ALDH1A1: variants seen among roughly 807,000 people sequenced by gnomAD.
ALDH1A1 encodes aldehyde dehydrogenase 1 family member A1.
In ALDH1A1, 19 loss-of-function variants were observed where a neutral mutation model predicts 62.1. The observed-to-expected ratio is 0.31, with a 90% CI of 0.21 to 0.45. The LOEUF is 0.45. Among genes scored for constraint, ALDH1A1 ranks in the 20% least tolerant of loss-of-function variants. The probability of loss-of-function intolerance (pLI) is 1.00; values close to 1 mark genes in which losing one functional copy is unlikely to be tolerated. For synonymous variants in ALDH1A1, 231 were observed against 215.9 expected (o/e 1.07, Z -0.61); for missense variants, 521 against 607.1 (o/e 0.86, Z 1.49).
At chr9:72,910,335 A>C (rs1829967033) in intron 10 of ALDH1A1, among the ~76,000 whole-genome samples, 1 of 152,172 alleles carries the variant, frequency 6.6e-6, no homozygotes, top group African/African-American at 2.4e-5. Flanking sequence ...AAACATCACG[A>C]ACTTTTAGTC....
At chr9:72,906,096 C>A in intron 11 of ALDH1A1, 64 bp from the exon 12 acceptor site, 3 of 1,303,484 alleles carry the variant, frequency 2.3e-6, no homozygotes, top group East Asian at 2.5e-5. Flanking sequence ...TCCTTTTTGG[C>A]AGTTTTAGAA....
rs1200564361 is a variant in ALDH1A1 at position 72,945,730 on chromosome 9, G to A, written c.67-5478C>T. ...TTAAACATTTAAAAGAATCAAAGCTGGATCTCTGGCAACTGCTTTGCACCC... is the reference window on the plus strand; with the variant it reads ...TTAAACATTTAAAAGAATCAAAGCTAGATCTCTGGCAACTGCTTTGCACCC... On this transcript the variant is annotated intron_variant, in intron 1 of 12. Transcript: ENST00000297785. Among the ~76,000 whole-genome samples the A allele has an allele frequency of 2.6e-5, 4 of 151,796 alleles. No individual in the cohort carries two copies. In the South Asian group the frequency reaches 8.3e-4, roughly 31 times the overall value.
At chr9:72,909,780 A>G (rs1373345463) in intron 10 of ALDH1A1, 21 bp from the exon 11 acceptor site, 4 of 1,568,242 alleles carry the variant, frequency 2.6e-6, no homozygotes, top group African/African-American at 1.4e-5. Context: ...AGAAATAAAT[A>G]AGTAAAAATA....
At chr9:72,932,991 T>C (rs991949827) in intron 2 of ALDH1A1, among the ~76,000 whole-genome samples, 3 of 152,202 alleles carry the variant, frequency 2.0e-5, no homozygotes, top group Non-Finnish European at 2.9e-5. Context: ...AACTCTCCCA[T>C]ATGGAAAGCA....
chr9:72,927,516 C>A (rs551542085), intron 4 of ALDH1A1, among the ~76,000 whole-genome samples: 1 of 152,272 alleles, frequency 6.6e-6, no homozygotes, highest in Non-Finnish European at 1.5e-5. Flanking sequence ...TTCCACCTTT[C>A]ATCTTCTAGG....
chr9:72,940,730 A>G (rs1371394727), intron 1 of ALDH1A1, among the ~76,000 whole-genome samples: 1 of 152,214 alleles, frequency 6.6e-6, no homozygotes, highest in East Asian at 1.9e-4. Context: ...AAAGGAGTTC[A>G]CTTAGAGAAA....
At chr9:72,923,389 C>T (rs1309095808) in intron 7 of ALDH1A1, among the ~76,000 whole-genome samples, 1 of 152,118 alleles carries the variant, frequency 6.6e-6, no homozygotes, top group Non-Finnish European at 1.5e-5. Flanking sequence ...ATGCTTCCAC[C>T]ACTTTCTTTT....
chr9:72,944,462 C>A (rs1405401013), intron 1 of ALDH1A1, among the ~76,000 whole-genome samples: 1 of 152,028 alleles, frequency 6.6e-6, no homozygotes, highest in Non-Finnish European at 1.5e-5. Flanking sequence ...ATTCATAGGG[C>A]CTACCTCAAA....
At chr9:72,928,431 G>A (rs554501639) in intron 4 of ALDH1A1, among the ~76,000 whole-genome samples, 1 of 152,126 alleles carries the variant, frequency 6.6e-6, no homozygotes, top group African/African-American at 2.4e-5. Context: ...GATTAGTCTG[G>A]TCTAACTACA....
chr9:72,912,649 A>G (rs1170904488), intron 9 of ALDH1A1, among the ~76,000 whole-genome samples: 2 of 152,100 alleles, frequency 1.3e-5, no homozygotes, highest in Non-Finnish European at 2.9e-5. Context: ...TGGATATCCC[A>G]TTCTGACCAT....
chr9:72,925,725 G>A, intron 5 of ALDH1A1, 113 bp from the exon 6 acceptor site: 1 of 1,243,118 alleles, frequency 8.0e-7, no homozygotes, highest in East Asian at 2.6e-5. Context: ...GCGTAGTTTT[G>A]TGAAATCATC....
At chr9:72,930,478 C>G (rs1478246839) in intron 3 of ALDH1A1, among the ~76,000 whole-genome samples, 1 of 152,200 alleles carries the variant, frequency 6.6e-6, no homozygotes, top group East Asian at 1.9e-4. Flanking sequence ...TTTGGGCACC[C>G]TTAACAAACT....
At chr9:72,934,360 G>T (rs1830321765) in intron 2 of ALDH1A1, among the ~76,000 whole-genome samples, 1 of 151,850 alleles carries the variant, frequency 6.6e-6, no homozygotes, top group Non-Finnish European at 1.5e-5. Context: ...AACTATCTTG[G>T]CTACTATCAC....
Position 72,905,203 on chromosome 9 carries a change from TA to T in ALDH1A1, c.1433+754del, listed in dbSNP as rs1310783816. ...TCATAAATGTTTACATTAATACATG[TA>T]AAAAAGTTTTAAGAAATAAAATGAC... On this transcript the variant is annotated intron_variant, in intron 12 of 12. Transcript: ENST00000297785. Among the ~76,000 whole-genome samples, 4 of 152,252 alleles carry T rather than the reference TA, an allele frequency of 2.6e-5. No homozygotes were observed. In the East Asian group the frequency reaches 7.7e-4, roughly 29 times the overall value.
intron 9 of ALDH1A1, among the ~76,000 whole-genome samples, chr9:72,915,463 AC>A (rs981069919): frequency 4.9e-4 from 74 of 152,020 alleles, no homozygotes; most frequent in African/African-American, 1.7e-3. Context: ...ACAACAAAAA[AC>A]ATAGAATTCC....
In ALDH1A1 at chr9:72,953,011, G is replaced by T; in HGVS notation, c.-11C>A. 1.1e-5 allele frequency: 17 copies of T among 1,612,856 alleles called. No homozygotes were observed. Among genetic ancestry groups the T allele is most frequent in the Non-Finnish European group, 1.1e-5 (13 of 1,179,268 alleles). ...GCCTGAGGATGACATTTCTGATTCG[G>T]CTCCTGGAACACAGGTGACTGGCTC... On this transcript the variant is annotated 5_prime_UTR_variant, in exon 1 of 13. Coordinates refer to ENST00000297785, the MANE Select transcript of ALDH1A1 (RefSeq NM_000689.5).
chr9:72,945,329 C>T (rs532060114), intron 1 of ALDH1A1, among the ~76,000 whole-genome samples: 59 of 151,592 alleles, frequency 3.9e-4, no homozygotes, highest in South Asian at 2.3e-3. Flanking sequence ...AATATTATCT[C>T]GGCAGGGCAG....
chr9:72,926,606 C>T (rs1830213557), intron 5 of ALDH1A1, among the ~76,000 whole-genome samples: 1 of 152,184 alleles, frequency 6.6e-6, no homozygotes, highest in Non-Finnish European at 1.5e-5. Context: ...CCATGCAGTG[C>T]TTCAAATGCC....
chr9:72,941,769 G>T (rs931818182), intron 1 of ALDH1A1, among the ~76,000 whole-genome samples: 1 of 152,130 alleles, frequency 6.6e-6, no homozygotes, highest in African/African-American at 2.4e-5. Flanking sequence ...CGTCTTGTTT[G>T]CCCATTCATG....
Sources: gnomAD v4.1 joint callset for allele counts (sites outside exome capture counted in the v4.1 genomes callset) on GRCh38, gnomAD v4.1.1 for gene constraint, MANE v1.5 for transcripts, NCBI Gene and HGNC (gene_info 2026-07-23, HGNC 2026-07-21) for gene names.